Variants in DLGAP2 observed in about 807,000 individuals in gnomAD.
The protein encoded by DLGAP2 is disks large-associated protein 2.
DLGAP2 carries 26 observed loss-of-function variants against 100.3 expected under a neutral mutation model. That is an observed-to-expected ratio of 0.26 (90% CI 0.19 to 0.36). DLGAP2 has a LOEUF of 0.36. Ranked by LOEUF, DLGAP2 falls within the 10% of genes least tolerant of loss-of-function variation. The pLI, the probability that DLGAP2 is intolerant of heterozygous loss-of-function variation, is 1.00. For synonymous variants in DLGAP2, 886 were observed against 630.1 expected (o/e 1.41, Z -6.08); for missense variants, 1,858 against 1,453.2 (o/e 1.28, Z -4.53).
intron 3 of DLGAP2, among the ~76,000 whole-genome samples, chr8:1,424,146 A>C (rs1797176512): frequency 6.6e-6 from 1 of 152,266 alleles, no homozygotes; most frequent in Non-Finnish European, 1.5e-5. Context: ...GAAGGAACAC[A>C]GAATGAGCCT....
At chr8:926,107 G>A (rs1014268288) in intron 2 of DLGAP2, among the ~76,000 whole-genome samples, 3 of 152,176 alleles carry the variant, frequency 2.0e-5, no homozygotes, top group Admixed American at 6.5e-5. Context: ...TGACTTGGGA[G>A]GGATGGCTTT....
intron 2 of DLGAP2, among the ~76,000 whole-genome samples, chr8:933,176 G>T (rs1798997318): frequency 6.6e-6 from 1 of 152,270 alleles, no homozygotes; most frequent in Non-Finnish European, 1.5e-5. Flanking sequence ...TGGTCGGGTT[G>T]TGACGGGAAT....
intron 1 of DLGAP2, among the ~76,000 whole-genome samples, chr8:851,989 G>T (rs1046980851): frequency 5.3e-5 from 8 of 152,192 alleles, no homozygotes; most frequent in African/African-American, 1.9e-4. Context: ...TCAGCTAGTG[G>T]GCGGCGGTCC....
At chr8:1,554,181 A>G (rs1801877337) in intron 5 of DLGAP2, among the ~76,000 whole-genome samples, 1 of 152,198 alleles carries the variant, frequency 6.6e-6, no homozygotes, top group Admixed American at 6.5e-5. Context: ...CCAGCTACTC[A>G]GGAGGCCAAG....
At chr8:1,019,398 C>G (rs1430715808) in intron 2 of DLGAP2, 1 of 152,000 alleles carries the variant, frequency 6.6e-6, no homozygotes, top group East Asian at 1.9e-4. Context: ...ACTCACAAAG[C>G]AAGATTTTCA....
At chr8:1,507,347 G>A (rs1799959897) in intron 4 of DLGAP2, among the ~76,000 whole-genome samples, 1 of 152,202 alleles carries the variant, frequency 6.6e-6, no homozygotes, top group Non-Finnish European at 1.5e-5. Flanking sequence ...CAGCGCCGGT[G>A]GGCCAGCACT....
intron 1 of DLGAP2, among the ~76,000 whole-genome samples, chr8:804,429 C>G (rs1563040568): frequency 6.6e-6 from 1 of 152,174 alleles, no homozygotes; most frequent in Non-Finnish European, 1.5e-5. Context: ...CGCTACTGCA[C>G]CAGATACGTA....
chr8:869,193 C>G (rs1285572912), intron 1 of DLGAP2, among the ~76,000 whole-genome samples: 1 of 152,136 alleles, frequency 6.6e-6, no homozygotes, highest in Non-Finnish European at 1.5e-5. Flanking sequence ...TTTGTTTTCC[C>G]TGTGGTTACC....
chr8:942,194 C>G (rs1299297907), intron 2 of DLGAP2, among the ~76,000 whole-genome samples: 1 of 152,196 alleles, frequency 6.6e-6, no homozygotes, highest in African/African-American at 2.4e-5. Context: ...AGTGATCCTC[C>G]TATTTCAGCC....
chr8:1,028,231 G>A (rs1362303091), intron 2 of DLGAP2, among the ~76,000 whole-genome samples: 87 of 134,338 alleles, frequency 6.5e-4, no homozygotes, highest in African/African-American at 2.4e-3. Flanking sequence ...TCAGGCGCCC[G>A]TTATTCTCCA....
chr8:1,244,110 A>T (rs972708378), intron 2 of DLGAP2, among the ~76,000 whole-genome samples: 1 of 152,072 alleles, frequency 6.6e-6, no homozygotes, highest in African/African-American at 2.4e-5. Context: ...CACCGTAGGG[A>T]TGGTGAGTGT....
intron 3 of DLGAP2, among the ~76,000 whole-genome samples, chr8:1,378,502 C>G (rs56255661): frequency 0.087 from 13,155 of 151,290 alleles, 858 homozygotes; most frequent in East Asian, 0.24. Context: ...CCTCACCTGT[C>G]TTTCCTGCGC....
intron 1 of DLGAP2, among the ~76,000 whole-genome samples, chr8:784,430 A>G (rs529591354): frequency 1.3e-5 from 2 of 152,356 alleles, no homozygotes; most frequent in East Asian, 1.9e-4. Flanking sequence ...ATGGTTCTGT[A>G]GGAGGAGATG....
intron 2 of DLGAP2, among the ~76,000 whole-genome samples, chr8:1,184,983 T>C (rs1219085929): frequency 2.0e-5 from 3 of 151,974 alleles, no homozygotes; most frequent in South Asian, 2.1e-4. Flanking sequence ...GCTCAGACTT[T>C]AGAGCAGGAG....
intron 3 of DLGAP2, among the ~76,000 whole-genome samples, chr8:1,447,474 T>C (rs1018165392): frequency 8.5e-5 from 13 of 152,366 alleles, no homozygotes; most frequent in Middle Eastern, 3.4e-3. Flanking sequence ...GATGTGCTGC[T>C]GGATTCGGTT....
intron 1 of DLGAP2, among the ~76,000 whole-genome samples, chr8:839,710 G>T (rs976908917): frequency 6.6e-6 from 1 of 152,128 alleles, no homozygotes; most frequent in Non-Finnish European, 1.5e-5. Flanking sequence ...CCCACCCTAA[G>T]TGCCCCTGTC....
chr8:1,505,549 T>A (rs549521282), intron 4 of DLGAP2, among the ~76,000 whole-genome samples: 1 of 152,216 alleles, frequency 6.6e-6, no homozygotes, highest in African/African-American at 2.4e-5. Context: ...CTGAAGCTCA[T>A]AGAGTGTAAT....
intron 1 of DLGAP2, among the ~76,000 whole-genome samples, chr8:893,691 C>G (rs573157101): frequency 1.3e-5 from 2 of 152,218 alleles, no homozygotes; most frequent in Non-Finnish European, 2.9e-5. Flanking sequence ...GCCCTCCTGC[C>G]TGCAGGTCTA....
At chr8:783,667 G>C (rs1003279325) in intron 1 of DLGAP2, among the ~76,000 whole-genome samples, 1 of 152,162 alleles carries the variant, frequency 6.6e-6, no homozygotes, top group Non-Finnish European at 1.5e-5. Context: ...GAAAGTGTCT[G>C]AGTGATGCTT....
Sources: allele counts gnomAD v4.1 joint callset (sites outside exome capture counted in the v4.1 genomes callset), GRCh38; gene constraint gnomAD v4.1.1; transcripts MANE v1.5; gene names NCBI Gene and HGNC (gene_info 2026-07-23, HGNC 2026-07-21).